The following BEND7 variants were observed in gnomAD, a reference collection of about 807,000 sequenced individuals.
BEND7 encodes BEN domain-containing protein 7.
Under a neutral mutation model 50.9 loss-of-function variants are expected in BEND7, and 28 were observed. That is an observed-to-expected ratio of 0.55 (90% CI 0.41 to 0.75). BEND7 has a LOEUF of 0.75. BEND7 is among the 30% of genes least tolerant of loss of function. The pLI is 0.00. For missense variants in BEND7, 477 were observed against 491.3 expected (o/e 0.97, Z 0.28); for synonymous variants, 170 against 183.9 (o/e 0.92, Z 0.61).
At chr10:13,477,445 C>T (rs1187487852) in intron 6 of BEND7, among the ~76,000 whole-genome samples, 1 of 152,148 alleles carries the variant, frequency 6.6e-6, no homozygotes, top group African/African-American at 2.4e-5. Context: ...TCTCATAGTA[C>T]TCAGATTCAA....
At chr10:13,510,384 T>C (rs746733149) in intron 2 of BEND7, among the ~76,000 whole-genome samples, 3 of 152,330 alleles carry the variant, frequency 2.0e-5, no homozygotes, top group Non-Finnish European at 2.9e-5. Flanking sequence ...AAAACCTTTT[T>C]GGGGCAGAAT....
At position 13,480,945 on chromosome 10, in the gene BEND7, A is replaced by T. The variant is rs1388141389; in HGVS notation, c.1017T>A (p.Asn339Lys). The T allele has an allele frequency of 1.2e-6, 2 of 1,614,198 alleles. No homozygotes were observed. Among genetic ancestry groups the T allele is most frequent in the Admixed American group, 1.7e-5 (1 of 60,030 alleles). ...TTTGGTCTAGTCCTTTCCGGTTGTC[A>T]TTGAGTCCTCTTTTCCTCTTCCCAT... ...LPNGKRKRGL[N>K]DNRKGLDQNI... The change falls in exon 6 of 9, where the codon AAT becomes AAA. Residue 339 changes from asparagine to lysine, a missense_variant. Physicochemically the swap from Asn to Lys is moderately conservative, Grantham distance 94. Coordinates refer to ENST00000466271, the MANE Select transcript of BEND7 (RefSeq NM_001369863.1).
chr10:13,467,418 T>C lies in BEND7; in HGVS notation c.1063+13481A>G, dbSNP rs1588747376. Among the ~76,000 whole-genome samples, 3 of 152,250 alleles carry C rather than the reference T, an allele frequency of 2.0e-5. No individual in the cohort carries two copies. In the East Asian group the frequency reaches 5.8e-4, roughly 29 times the overall value. On this transcript the variant is annotated intron_variant, in intron 6 of 8. Coordinates refer to ENST00000466271, the MANE Select transcript of BEND7 (RefSeq NM_001369863.1). The stretch of plus-strand genomic sequence containing the variant: ...CAATAAAATGATTACACTTCAACTT[T>C]TGAGGATGATTCCTCTCTAGTATGA...
At chr10:13,469,793 AG>A (rs1299442146) in intron 6 of BEND7, among the ~76,000 whole-genome samples, 6 of 152,174 alleles carry the variant, frequency 3.9e-5, no homozygotes, top group Admixed American at 2.6e-4. Flanking sequence ...TGAATTTTTA[AG>A]GGGTTTTCTT....
At chr10:13,499,730 A>AGAAC (rs748449307) in intron 3 of BEND7, 48 bp downstream of exon 3, 1 of 1,501,446 alleles carries the variant, frequency 6.7e-7, no homozygotes, top group Non-Finnish European at 8.9e-7. Context: ...GAAATAGAAC[A>AGAAC]GTACAAACCC....
At chr10:13,501,443 ATC>A (rs1480396639) in intron 2 of BEND7, among the ~76,000 whole-genome samples, 2 of 152,006 alleles carry the variant, frequency 1.3e-5, no homozygotes, top group African/African-American at 4.8e-5. Context: ...GGATGCTGAT[ATC>A]TGTTAGGAGC....
intron 1 of BEND7, among the ~76,000 whole-genome samples, chr10:13,526,496 AT>A (rs1239848289): frequency 6.6e-6 from 1 of 152,168 alleles, no homozygotes; most frequent in Admixed American, 6.5e-5. Flanking sequence ...ACAGATGCCA[AT>A]TTTTAGGCTT....
intron 2 of BEND7, among the ~76,000 whole-genome samples, chr10:13,519,821 G>T (rs1313778800): frequency 6.6e-6 from 1 of 152,206 alleles, no homozygotes; most frequent in Non-Finnish European, 1.5e-5. Flanking sequence ...AGGAGAGACA[G>T]GATTTTACTA....
In BEND7 at chr10:13,507,397, G is replaced by A. The variant is rs577905312; in HGVS notation, c.146-7317C>T. On this transcript the variant is annotated intron_variant, in intron 2 of 8. Transcript: ENST00000466271. ...CAGAATGGACACAGGGCGTCTGAAA[G>A]AAATGGGGTCCAATCCTACCGCTAC... Among the ~76,000 whole-genome samples, 95 of 152,302 alleles carry A rather than the reference G, an allele frequency of 6.2e-4. 1 individual carries two copies. Among genetic ancestry groups the A allele is most frequent in the Middle Eastern group, 3.4e-3 (1 of 294 alleles).
rs139902051 is a variant in BEND7 at position 13,488,636 on chromosome 10, C to T, written c.837+3975G>A. Among the ~76,000 whole-genome samples, 654 of 152,246 alleles carry T rather than the reference C, an allele frequency of 4.3e-3. 2 individuals carry two copies. Among genetic ancestry groups the T allele is most frequent in the Non-Finnish European group, 6.5e-3 (444 of 68,010 alleles). ...CCAAGTAGCTGGGATTACAGGCATGCGCCACTGCGCCTAGCTATTTTTTTT... is the reference window on the plus strand; with the variant it reads ...CCAAGTAGCTGGGATTACAGGCATGTGCCACTGCGCCTAGCTATTTTTTTT... On this transcript the variant is annotated intron_variant, in intron 5 of 8. Transcript: ENST00000466271.
At chr10:13,503,181 A>C (rs987979655) in intron 2 of BEND7, among the ~76,000 whole-genome samples, 1 of 152,210 alleles carries the variant, frequency 6.6e-6, no homozygotes, top group Non-Finnish European at 1.5e-5. Context: ...GGTGGCAATG[A>C]GGGAGGAAGG....
intron 5 of BEND7, among the ~76,000 whole-genome samples, 186 bp downstream of exon 5, chr10:13,492,425 T>C (rs2076729393): frequency 6.6e-6 from 1 of 152,202 alleles, no homozygotes; most frequent in African/African-American, 2.4e-5. Context: ...CCTGTCTAAA[T>C]AAATAAGGCA....
chr10:13,455,426 C>A (rs1386522750), intron 6 of BEND7, among the ~76,000 whole-genome samples: 1 of 152,022 alleles, frequency 6.6e-6, no homozygotes, highest in African/African-American at 2.4e-5. Flanking sequence ...CGCTGCATTG[C>A]AGAAGAGGGA....
intron 2 of BEND7, among the ~76,000 whole-genome samples, chr10:13,516,729 G>GA (rs968278716): frequency 9.3e-5 from 14 of 150,922 alleles, no homozygotes; most frequent in South Asian, 4.2e-4. Flanking sequence ...TAACTCAAAG[G>GA]AAAAAAAAAT....
At chr10:13,473,483 A>G (rs1172524614) in intron 6 of BEND7, among the ~76,000 whole-genome samples, 2 of 147,862 alleles carry the variant, frequency 1.4e-5, no homozygotes, top group African/African-American at 2.5e-5. Context: ...CTCGGGGTTG[A>G]TATCTGTCAT....
rs67255529 is a variant in BEND7 at position 13,498,071 on chromosome 10, CTTTTTTT to C, written c.449-1190_449-1184del. Among the ~76,000 whole-genome samples, 65 of 109,836 alleles carry C rather than the reference CTTTTTTT, an allele frequency of 5.9e-4. 1 individual carries two copies. The highest frequency in any genetic ancestry group is 1.8e-3 in the South Asian group (6 of 3,412). The allele number at this position is 109,836 out of a possible 152,430, so 72.1% of individuals were successfully genotyped here. Reference sequence around the variant, plus strand: ...AGTTATATGTAATATATTTCTTTTTCTTTTTTTTTTTTTTTTTTTTTTGAGACAGGGT... The same window carrying C: ...AGTTATATGTAATATATTTCTTTTTCTTTTTTTTTTTTTTTGAGACAGGGT... On this transcript the variant is annotated intron_variant, in intron 3 of 8. Transcript: ENST00000466271.
intron 2 of BEND7, among the ~76,000 whole-genome samples, chr10:13,518,303 A>G (rs905827821): frequency 6.6e-6 from 1 of 152,170 alleles, no homozygotes; most frequent in Non-Finnish European, 1.5e-5. Context: ...TGCAGGCTGC[A>G]TGTCAGCCCC....
chr10:13,469,642 A>G (rs1196511556), intron 6 of BEND7, among the ~76,000 whole-genome samples: 1 of 152,042 alleles, frequency 6.6e-6, no homozygotes, highest in Non-Finnish European at 1.5e-5. Flanking sequence ...ACGCCCAGCT[A>G]ATTTTTCTAT....
chr10:13,477,751 CAAG>C (rs2075563458), intron 6 of BEND7, among the ~76,000 whole-genome samples: 1 of 152,160 alleles, frequency 6.6e-6, no homozygotes, highest in South Asian at 2.1e-4. Context: ...ATGAGTTATT[CAAG>C]AAGATGTGAG....
Sources: gnomAD v4.1 joint callset for allele counts (sites outside exome capture counted in the v4.1 genomes callset) on GRCh38, gnomAD v4.1.1 for gene constraint, MANE v1.5 for transcripts, NCBI Gene and HGNC (gene_info 2026-07-23, HGNC 2026-07-21) for gene names.